Variants in UGGT1 observed in about 807,000 individuals in gnomAD.
UGGT1 encodes the protein UDP-glucose:glycoprotein glucosyltransferase 1.
A neutral mutation model predicts 203.9 loss-of-function variants in UGGT1; 107 were observed. That is an observed-to-expected ratio of 0.52 (90% CI 0.45 to 0.62). UGGT1 has a LOEUF of 0.62. Among genes scored for constraint, UGGT1 ranks in the 20% least tolerant of loss-of-function variants. UGGT1 has a pLI of 0.00. For synonymous variants in UGGT1, 628 were observed against 653.5 expected (o/e 0.96, Z 0.59); for missense variants, 1,673 against 1,867.2 (o/e 0.90, Z 1.92).
chr2:128,184,547 CACG>C (rs1414708239), intron 38 of UGGT1, among the ~76,000 whole-genome samples: 3 of 152,186 alleles, frequency 2.0e-5, no homozygotes, highest in Non-Finnish European at 4.4e-5. Context: ...TGTCTAGCAT[CACG>C]ACTTTTATGG....
chr2:128,159,916 G>A (rs1690443481), intron 23 of UGGT1, among the ~76,000 whole-genome samples, 196 bp downstream of exon 23: 1 of 152,002 alleles, frequency 6.6e-6, no homozygotes, highest in South Asian at 2.1e-4. Flanking sequence ...CATGATTTGA[G>A]TTTTTGTGTG....
rs1035895556 is a variant in UGGT1 at position 128,107,063 on chromosome 2, A to G, written c.278-875A>G. Among the ~76,000 whole-genome samples the G allele has an allele frequency of 9.2e-5, 14 of 152,158 alleles. No individual in the cohort carries two copies. The South Asian group carries it at 1.2e-3, about 13-fold the overall frequency. ...GCTGTATAAAAGGTTATACACAGAG[A>G]AATCTTGTTTCTTCCTTGACCCTGT... On this transcript the variant is annotated intron_variant, in intron 3 of 40. Coordinates refer to ENST00000259253, the MANE Select transcript of UGGT1 (RefSeq NM_020120.4).
At chr2:128,129,477 C>T (rs937948529) in intron 13 of UGGT1, among the ~76,000 whole-genome samples, 2 of 150,366 alleles carry the variant, frequency 1.3e-5, no homozygotes, top group Non-Finnish European at 2.9e-5. Flanking sequence ...TGGCTTACTG[C>T]AACCTCTGCC....
intron 11 of UGGT1, among the ~76,000 whole-genome samples, chr2:128,127,059 C>T (rs561032935): frequency 2.6e-5 from 4 of 152,214 alleles, no homozygotes; most frequent in South Asian, 4.2e-4. Flanking sequence ...TCCTCTCTCT[C>T]GGAAGAAATT....
intron 15 of UGGT1, 113 bp from the exon 16 acceptor site, chr2:128,138,604 A>T: frequency 7.7e-7 from 1 of 1,292,816 alleles, no homozygotes; most frequent in East Asian, 2.3e-5. Flanking sequence ...CTTTTCACTC[A>T]AAGAGTTTTC....
chr2:128,159,683 T>C lies in UGGT1; in HGVS notation c.2525T>C (p.Leu842Pro), dbSNP rs370330020. 1 of 1,614,164 alleles carries C rather than the reference T, an allele frequency of 6.2e-7. No individual in the cohort carries two copies. The highest frequency in any genetic ancestry group is 1.3e-5 in the African/African-American group (1 of 75,048). ...GCCAAGGAGGGGGCTGCAGAGGCCC[T>C]GGCTGCAGGAGCTGACATTGCGGAG... ...KMAKEGAAEA[L>P]AAGADIAEFS... is the part of the protein sequence containing the mutation. The change falls in exon 23 of 41, where the codon CTG becomes CCG. Residue 842 changes from leucine to proline, a missense_variant. This residue lies in a region of UGGT1 where 1,073 missense variants were observed against 1,078.7 expected (regional missense o/e 0.99). Coordinates refer to ENST00000259253, the MANE Select transcript of UGGT1 (RefSeq NM_020120.4).
chr2:128,111,327 C>T (rs1158893742), intron 5 of UGGT1, among the ~76,000 whole-genome samples: 1 of 151,942 alleles, frequency 6.6e-6, no homozygotes, highest in African/African-American at 2.4e-5. Flanking sequence ...TGCACTCTAC[C>T]TTGGGCAACA....
Position 128,176,912 on chromosome 2 carries a change from A to G in UGGT1, c.3624+14A>G. 1.9e-6 allele frequency: 3 copies of G among 1,609,236 alleles called. No individual in the cohort carries two copies. Among genetic ancestry groups the G allele is most frequent in the Non-Finnish European group, 1.7e-6 (2 of 1,175,752 alleles). ...ATTAAAGTGAAGGTGAGTTTGGTAA[A>G]AGTAGTGGCATTCTGTTATTGGACA... is the stretch of plus-strand genomic sequence containing the variant. On this transcript the variant is annotated intron_variant, in intron 32 of 40. Transcript: ENST00000259253.
At chr2:128,137,379 GCA>G (rs1689177180) in intron 15 of UGGT1, among the ~76,000 whole-genome samples, 3 of 152,236 alleles carry the variant, frequency 2.0e-5, no homozygotes, top group Non-Finnish European at 4.4e-5. Context: ...TTGTGCCACT[GCA>G]CTCTGGCCTC....
chr2:128,128,014 C>T (rs1688680049), intron 12 of UGGT1, among the ~76,000 whole-genome samples: 1 of 151,958 alleles, frequency 6.6e-6, no homozygotes, highest in South Asian at 2.1e-4. Flanking sequence ...GCGGAGGTTG[C>T]AGTGAGCTGA....
chr2:128,120,042 G>C (rs1688303121), intron 8 of UGGT1, among the ~76,000 whole-genome samples: 1 of 151,848 alleles, frequency 6.6e-6, no homozygotes, highest in Non-Finnish European at 1.5e-5. Context: ...CTCCTCAGTG[G>C]CTGGGATTAC....
chr2:128,109,018 T>A (rs1368320806), intron 4 of UGGT1, among the ~76,000 whole-genome samples: 1 of 152,050 alleles, frequency 6.6e-6, no homozygotes, highest in Non-Finnish European at 1.5e-5. Context: ...TAAGTGATTC[T>A]CCTACCTGAG....
intron 8 of UGGT1, among the ~76,000 whole-genome samples, chr2:128,117,460 G>A (rs1688161256): frequency 6.6e-6 from 1 of 151,924 alleles, no homozygotes; most frequent in South Asian, 2.1e-4. Context: ...CCATAATTAT[G>A]TAATCATTTA....
intron 14 of UGGT1, among the ~76,000 whole-genome samples, chr2:128,134,013 T>A (rs1689008180): frequency 7.0e-6 from 1 of 142,300 alleles, no homozygotes; most frequent in Non-Finnish European, 1.5e-5. Flanking sequence ...TTACCCTCTC[T>A]ACTTTTCTTC....
intron 18 of UGGT1, 29 bp downstream of exon 18, chr2:128,145,996 A>G (rs1689673723): frequency 6.2e-7 from 1 of 1,613,146 alleles, no homozygotes; most frequent in Non-Finnish European, 8.5e-7. Context: ...CTGATTTTTT[A>G]AAGAGAACAG....
Position 128,091,341 on chromosome 2 carries a change from C to T in UGGT1, c.-17C>T, listed in dbSNP as rs1686849568. On this transcript the variant is annotated 5_prime_UTR_variant, in exon 1 of 41. Transcript: ENST00000259253. ...GCGTTGTCTCTGGCACTGTGGCGGACTGACCACGGCCCGGGCATGGGCTGC... is the reference window on the plus strand; with the variant it reads ...GCGTTGTCTCTGGCACTGTGGCGGATTGACCACGGCCCGGGCATGGGCTGC... The T allele has an allele frequency of 9.0e-6, 14 of 1,553,286 alleles. No homozygotes were observed. The East Asian group carries it at 3.4e-4, about 38-fold the overall frequency.
chr2:128,146,087 G>C, intron 18 of UGGT1, 120 bp downstream of exon 18: 1 of 1,226,452 alleles, frequency 8.2e-7, no homozygotes, highest in Non-Finnish European at 1.1e-6. Flanking sequence ...GCGAGAGGAT[G>C]GTTTGAGGGT....
At position 128,145,827 on chromosome 2, in the gene UGGT1, A is replaced by G; in HGVS notation, c.1876A>G (p.Thr626Ala). The change falls in exon 18 of 41, where the codon ACT becomes GCT. Residue 626 changes from threonine to alanine, a missense_variant. By Grantham distance (58) the Thr-to-Ala change is moderately conservative. Around this residue, in one of 4 missense-constraint regions of UGGT1, gnomAD observed 1,073 missense variants for 1,078.7 expected, o/e 0.99. Transcript: ENST00000259253. Reference protein sequence around the residue: ...RKEARGYYEQTGVGPLPVVLF... With the variant: ...RKEARGYYEQAGVGPLPVVLF... Reference sequence around the variant, plus strand: ...GGAAGCAAGAGGCTACTATGAGCAGACTGGAGTTGGACCTCTGCCCGTTGT... The same window carrying G: ...GGAAGCAAGAGGCTACTATGAGCAGGCTGGAGTTGGACCTCTGCCCGTTGT... The G allele has an allele frequency of 6.2e-7, 1 of 1,607,242 alleles. No homozygotes were observed. Among genetic ancestry groups the G allele is most frequent in the Non-Finnish European group, 8.5e-7 (1 of 1,175,656 alleles).
intron 19 of UGGT1, 96 bp from the exon 20 acceptor site, chr2:128,155,393 A>G (rs1690178695): frequency 4.4e-6 from 4 of 916,140 alleles, no homozygotes; most frequent in East Asian, 2.6e-5. Flanking sequence ...ACGCATTTCT[A>G]TAAATCTTAT....
Sources: gnomAD v4.1 joint callset for allele counts (sites outside exome capture counted in the v4.1 genomes callset) on GRCh38, gnomAD v4.1.1 for gene constraint, gnomAD v4.1.1 regional missense constraint, MANE v1.5 for transcripts, NCBI Gene and HGNC (gene_info 2026-07-23, HGNC 2026-07-21) for gene names.